Variants in ACAT2 observed in about 807,000 individuals in gnomAD.
ACAT2 encodes acetyl-CoA acetyltransferase 2, also known as acetyl-CoA acetyltransferase, cytosolic.
Under a neutral mutation model 37.1 loss-of-function variants are expected in ACAT2, and 26 were observed. That is an observed-to-expected ratio of 0.70 (90% confidence interval 0.51 to 0.97). ACAT2 has a LOEUF of 0.97. Among genes scored for constraint, ACAT2 ranks in the 50% least tolerant of loss-of-function variants. ACAT2 has a pLI of 0.00. For missense variants in ACAT2, 468 were observed against 489.0 expected (o/e 0.96, Z 0.40); for synonymous variants, 156 against 163.6 (o/e 0.95, Z 0.35).
At chr6:159,775,727 C>T (rs1780402221) in intron 5 of ACAT2, 1 of 196,476 alleles carries the variant, frequency 5.1e-6, no homozygotes, top group Non-Finnish European at 1.0e-5. Context: ...TGGGGTCACT[C>T]GCTATTTTCT....
At chr6:159,766,921 A>C in intron 2 of ACAT2, 84 bp from the exon 3 acceptor site, 1 of 1,552,514 alleles carries the variant, frequency 6.4e-7, no homozygotes. Context: ...CAGGTAACCC[A>C]ACTGGCAATT....
chr6:159,778,642 CT>C lies in ACAT2; in HGVS notation c.1024-13del. On this transcript the variant is annotated splice_polypyrimidine_tract_variant and intron_variant, in intron 8 of 8. Coordinates refer to ENST00000367048, the MANE Select transcript of ACAT2 (RefSeq NM_005891.3). ...CCACAGAAGAATAAACAATCTAAAT[CT>C]TTTCTCCCCCGTTAGGTCAATATTG... is the stretch of plus-strand genomic sequence containing the variant. 1 of 1,611,840 alleles carries C rather than the reference CT, an allele frequency of 6.2e-7. No individual in the cohort carries two copies. The highest frequency in any genetic ancestry group is 8.5e-7 in the Non-Finnish European group (1 of 1,178,446).
At chr6:159,776,355 C>A in intron 6 of ACAT2, 83 bp downstream of exon 6, 2 of 1,479,422 alleles carry the variant, frequency 1.4e-6, no homozygotes, top group Non-Finnish European at 1.8e-6. Flanking sequence ...TATTTATATA[C>A]AAAAGTACTA....
At chr6:159,778,422 TTTAAAAAAAAAAAA>T (rs1343089357) in intron 8 of ACAT2, 142 bp downstream of exon 8, 89 of 438,874 alleles carry the variant, frequency 2.0e-4, no homozygotes, top group African/African-American at 5.2e-4. Context: ...CTTCCCAAGG[TTTAAAAAAAAAAAA>T]AAAAAAAAAA....
At position 159,775,326 on chromosome 6, in the gene ACAT2, T is replaced by C. The variant is rs1370172245; in HGVS notation, c.634+13T>C. ...TCAACTAGAAAAGGTGAGTATATCA[T>C]AGTGGTTTAAACATCAACCTATTTA... On this transcript the variant is annotated intron_variant, in intron 5 of 8. Transcript: ENST00000367048. 1.2e-6 allele frequency: 2 copies of C among 1,613,212 alleles called. No individual in the cohort carries two copies. Among genetic ancestry groups the C allele is most frequent in the East Asian group, 4.5e-5 (2 of 44,884 alleles).
In ACAT2 at chr6:159,777,926, T is replaced by C. The variant is rs549088419; in HGVS notation, c.913-244T>C. 5.9e-5 allele frequency among the ~76,000 whole-genome samples: 9 copies of C among 152,320 alleles called. No homozygotes were observed. In the East Asian group the frequency reaches 1.2e-3, roughly 20 times the overall value. On this transcript the variant is annotated intron_variant, in intron 7 of 8. Transcript: ENST00000367048. The stretch of plus-strand genomic sequence containing the variant: ...CTTAGGTACACATAACAGATGCTAC[T>C]GGTTCAAAATTTTAAGACAATTTAG...
intron 7 of ACAT2, 126 bp from the exon 8 acceptor site, chr6:159,778,044 A>C: frequency 1.6e-6 from 1 of 617,224 alleles, no homozygotes; most frequent in Middle Eastern, 2.6e-4. Context: ...CACTGTATTA[A>C]CCTAAGAACA....
chr6:159,776,047 C>A, intron 5 of ACAT2, 103 bp from the exon 6 acceptor site: 1 of 1,341,084 alleles, frequency 7.5e-7, no homozygotes, highest in Non-Finnish European at 1.0e-6. Flanking sequence ...AACTTTTCTG[C>A]TAAATATGAA....
chr6:159,775,545 A>G, intron 5 of ACAT2: 1 of 460,782 alleles, frequency 2.2e-6, no homozygotes, highest in East Asian at 3.8e-5. Context: ...GTCCATGACC[A>G]CTGTGCACAC....
At chr6:159,773,187 C>T (rs115207691) in intron 4 of ACAT2, among the ~76,000 whole-genome samples, 2,274 of 152,202 alleles carry the variant, frequency 0.015, 57 homozygotes, top group African/African-American at 0.052. Context: ...GTTACAAATA[C>T]GGAAAGGGAG....
At chr6:159,767,735 T>TGC (rs1237098646) in intron 3 of ACAT2, among the ~76,000 whole-genome samples, 1 of 152,230 alleles carries the variant, frequency 6.6e-6, no homozygotes, top group Non-Finnish European at 1.5e-5. Flanking sequence ...TTCCTACTGA[T>TGC]GCAGCTCAGG....
intron 3 of ACAT2, 115 bp downstream of exon 3, chr6:159,767,301 A>G: frequency 1.8e-6 from 2 of 1,125,470 alleles, no homozygotes; most frequent in Non-Finnish European, 2.5e-6. Context: ...GTGAACAAAT[A>G]AACAGAAATG....
chr6:159,765,575 G>A (rs1239614030), intron 2 of ACAT2, among the ~76,000 whole-genome samples: 3 of 151,594 alleles, frequency 2.0e-5, no homozygotes, highest in East Asian at 1.9e-4. Flanking sequence ...GATTACAGGC[G>A]TGCACCACCA....
At chr6:159,773,424 A>C (rs951670764) in intron 4 of ACAT2, among the ~76,000 whole-genome samples, 13 of 152,204 alleles carry the variant, frequency 8.5e-5, no homozygotes, top group Non-Finnish European at 4.4e-5. Context: ...GGTTGTTTGG[A>C]GAAATGGCCC....
At chr6:159,775,459 G>A (rs1780398292) in intron 5 of ACAT2, 146 bp downstream of exon 5, 1 of 935,704 alleles carries the variant, frequency 1.1e-6, no homozygotes. Context: ...TGAATGTGGG[G>A]AGGGGGTATG....
chr6:159,776,173 G>A lies in ACAT2; in HGVS notation c.658G>A (p.Glu220Lys), dbSNP rs1202074207. 11 of 1,614,006 alleles carry A rather than the reference G, an allele frequency of 6.8e-6. No individual in the cohort carries two copies. Among genetic ancestry groups the A allele is most frequent in the African/African-American group, 1.3e-5 (1 of 74,996 alleles). The change falls in exon 6 of 9, where the codon GAG becomes AAG. Residue 220 changes from glutamate (E) to lysine (K), a missense_variant. By Grantham distance (56) the Glu-to-Lys change is moderately conservative. Coordinates refer to ENST00000367048, the MANE Select transcript of ACAT2 (RefSeq NM_005891.3). ...RKGLIEVKTD[E>K]FPRHGSNIEA... ...AGGTCTTATTGAAGTTAAAACAGAT[G>A]AGTTTCCTCGCCATGGGAGCAACAT...
At chr6:159,767,215 A>C in intron 3 of ACAT2, 29 bp downstream of exon 3, 1 of 1,610,682 alleles carries the variant, frequency 6.2e-7, no homozygotes, top group Non-Finnish European at 8.5e-7. Context: ...GGTGGCTTTC[A>C]CTGACCTCAC....
intron 1 of ACAT2, 104 bp from the exon 2 acceptor site, chr6:159,762,815 C>T (rs891764196): frequency 2.5e-6 from 4 of 1,594,590 alleles, no homozygotes; most frequent in Admixed American, 1.7e-5. Context: ...ACTGCCTCCT[C>T]GCGTGGCCTT....
intron 4 of ACAT2, among the ~76,000 whole-genome samples, chr6:159,772,320 T>TA (rs1439690401): frequency 1.3e-5 from 2 of 152,208 alleles, no homozygotes; most frequent in African/African-American, 4.8e-5. Context: ...AAATAGCACT[T>TA]ACATGCTCTG....
Sources: allele counts gnomAD v4.1 joint callset (sites outside exome capture counted in the v4.1 genomes callset), GRCh38; gene constraint gnomAD v4.1.1; transcripts MANE v1.5; gene names NCBI Gene and HGNC (gene_info 2026-07-23, HGNC 2026-07-21).